Variants in TENM4 observed in about 807,000 individuals in gnomAD.
The protein encoded by TENM4 is teneurin transmembrane protein 4, also known as teneurin-4.
A neutral mutation model predicts 243.3 loss-of-function variants in TENM4; 82 were observed. The ratio of observed to expected loss-of-function variants is 0.34; its 90% CI spans 0.28 to 0.40. TENM4 has a LOEUF of 0.40. Among genes scored for constraint, TENM4 ranks in the 10% least tolerant of loss-of-function variants. The pLI is 1.00. For synonymous variants in TENM4, 1,412 were observed against 1,456.3 expected, an observed-to-expected ratio of 0.97 and a Z score of 0.69; for missense variants, 3,138 against 3,673.3, an observed-to-expected ratio of 0.85 and a Z score of 3.77.
chr11:78,976,539 G>A (rs1350606332), intron 6 of TENM4, among the ~76,000 whole-genome samples: 6 of 152,168 alleles, frequency 3.9e-5, no homozygotes, highest in Admixed American at 2.0e-4. Flanking sequence ...TGATCACTGC[G>A]CCAAGGCCTC....
rs376914004 is a variant in TENM4, at chr11:78,658,075, C to T, written c.8293G>A (p.Glu2765Lys). The T allele has an allele frequency of 1.1e-5, 17 of 1,612,784 alleles. No individual in the cohort carries two copies. In the African/African-American group the frequency reaches 1.6e-4, roughly 15 times the overall value. The change falls in exon 34 of 34, where the codon GAG becomes AAG. Residue 2765 changes from glutamate to lysine, a missense_variant. Physicochemically the swap from Glu to Lys is moderately conservative, Grantham distance 56 (BLOSUM62 1). This residue lies in a region of TENM4 where 2,467 missense variants were observed against 3,059.1 expected (regional missense o/e 0.81). Coordinates refer to ENST00000278550, the MANE Select transcript of TENM4 (RefSeq NM_001098816.3). ...CCTCTCTGTCACCTCCGGCCCATCT[C>T]GCTCTGTCTCATGAAGTGGATGTTG... ...ANNIHFMRQS[E>K]MGRR is the part of the protein sequence containing the mutation.
chr11:79,207,020 A>G (rs914399271), intron 3 of TENM4, among the ~76,000 whole-genome samples: 7 of 152,164 alleles, frequency 4.6e-5, no homozygotes, highest in Non-Finnish European at 2.9e-5. Flanking sequence ...CCCAGTCAGG[A>G]CATCTAGAAA....
chr11:79,247,038 T>TTC (rs1389337861), intron 2 of TENM4, among the ~76,000 whole-genome samples: 4 of 143,978 alleles, frequency 2.8e-5, no homozygotes, highest in African/African-American at 1.0e-4. Flanking sequence ...ATGATAAGGC[T>TTC]TCTCTTCTAG....
chr11:79,333,466 C>G (rs1857094915), intron 1 of TENM4, among the ~76,000 whole-genome samples: 1 of 152,206 alleles, frequency 6.6e-6, no homozygotes, highest in Non-Finnish European at 1.5e-5. Flanking sequence ...GTCAACATCC[C>G]TATTACCCAG....
intron 1 of TENM4, among the ~76,000 whole-genome samples, chr11:79,346,147 C>A (rs1857322712): frequency 6.6e-6 from 1 of 152,172 alleles, no homozygotes; most frequent in Non-Finnish European, 1.5e-5. Flanking sequence ...CACTATGCAG[C>A]AGCTGTAATC....
intron 2 of TENM4, among the ~76,000 whole-genome samples, chr11:79,245,929 G>C (rs1352416123): frequency 1.3e-5 from 1 of 77,254 alleles, no homozygotes; most frequent in Non-Finnish European, 2.3e-5. Context: ...GACAGAGAAA[G>C]ACTTTGTCTA....
chr11:78,802,044 G>A (rs1384036885), intron 15 of TENM4, among the ~76,000 whole-genome samples: 2 of 152,190 alleles, frequency 1.3e-5, no homozygotes, highest in African/African-American at 4.8e-5. Flanking sequence ...CGAGTGGGGA[G>A]CAACTCTTCC....
intron 1 of TENM4, among the ~76,000 whole-genome samples, chr11:79,382,271 TG>T (rs982836400): frequency 2.6e-4 from 39 of 152,290 alleles, no homozygotes; most frequent in African/African-American, 7.7e-4. Flanking sequence ...GAGGGTTCTC[TG>T]GGGATTAGAG....
At position 78,706,441 on chromosome 11, in the gene TENM4, C is replaced by T. The variant is rs562365054; in HGVS notation, c.4209+1920G>A. 2.0e-5 allele frequency among the ~76,000 whole-genome samples: 3 copies of T among 152,334 alleles called. No homozygotes were observed. In the East Asian group the frequency reaches 5.8e-4, roughly 29 times the overall value. On this transcript the variant is annotated intron_variant, in intron 27 of 33. Transcript: ENST00000278550. ...GAGCTGTGTGCTCTCCCTTGCTTAC[C>T]TCCCTGCTCCCCATGGGGCAGCGGA...
chr11:79,027,646 C>G (rs1017617330), intron 6 of TENM4, among the ~76,000 whole-genome samples: 1 of 152,218 alleles, frequency 6.6e-6, no homozygotes, highest in Non-Finnish European at 1.5e-5. Context: ...ACACAGTCAC[C>G]TCCTCTCGAA....
intron 1 of TENM4, among the ~76,000 whole-genome samples, chr11:79,330,370 C>G (rs875734): frequency 0.067 from 10,136 of 152,206 alleles, 392 homozygotes; most frequent in South Asian, 0.081. Context: ...GAATCGCTGG[C>G]CTCTGCTCAG....
chr11:79,178,566 G>A (rs1431393619), intron 3 of TENM4, among the ~76,000 whole-genome samples: 1 of 152,194 alleles, frequency 6.6e-6, no homozygotes, highest in African/African-American at 2.4e-5. Context: ...CAGAAGGAGC[G>A]TGACATCAAC....
At chr11:79,120,745 C>T (rs1204157097) in intron 4 of TENM4, among the ~76,000 whole-genome samples, 1 of 152,158 alleles carries the variant, frequency 6.6e-6, no homozygotes, top group African/African-American at 2.4e-5. Flanking sequence ...GATAAAAGTG[C>T]AGAATCACAA....
intron 9 of TENM4, among the ~76,000 whole-genome samples, chr11:78,878,626 C>T (rs1463702329): frequency 1.3e-5 from 2 of 152,184 alleles, no homozygotes; most frequent in African/African-American, 4.8e-5. Flanking sequence ...ACCAATTAAA[C>T]TGGCAGACCC....
intron 1 of TENM4, among the ~76,000 whole-genome samples, chr11:79,341,998 C>A (rs1427867807): frequency 6.6e-6 from 1 of 152,192 alleles, no homozygotes; most frequent in Non-Finnish European, 1.5e-5. Flanking sequence ...AGAATGTGCA[C>A]ACAGAAGCAT....
At position 78,821,874 on chromosome 11, in the gene TENM4, G is replaced by T. The variant is rs193271784; in HGVS notation, c.1682-7479C>A. ...AAGAATCAACTTACTCACTTTCTAAGAGTCAGAGCTGAATACTACTTACTA... is the reference window on the plus strand; with the variant it reads ...AAGAATCAACTTACTCACTTTCTAATAGTCAGAGCTGAATACTACTTACTA... On this transcript the variant is annotated intron_variant, in intron 12 of 33. Coordinates refer to ENST00000278550, the MANE Select transcript of TENM4 (RefSeq NM_001098816.3). Among the ~76,000 whole-genome samples the T allele has an allele frequency of 2.6e-5, 4 of 152,312 alleles. No individual in the cohort carries two copies. In the East Asian group the frequency reaches 7.7e-4, roughly 29 times the overall value.
At chr11:78,795,571 C>A (rs1857143792) in intron 15 of TENM4, among the ~76,000 whole-genome samples, 1 of 152,134 alleles carries the variant, frequency 6.6e-6, no homozygotes, top group Non-Finnish European at 1.5e-5. Context: ...TACTATGTGA[C>A]AGATAGGCCT....
At chr11:79,033,887 A>G (rs1356591783) in intron 6 of TENM4, among the ~76,000 whole-genome samples, 1 of 152,336 alleles carries the variant, frequency 6.6e-6, no homozygotes, top group African/African-American at 2.4e-5. Context: ...TAATGAACTG[A>G]CTTTCGTGTT....
At chr11:78,867,616 C>A (rs1289769659) in intron 9 of TENM4, among the ~76,000 whole-genome samples, 3 of 152,124 alleles carry the variant, frequency 2.0e-5, no homozygotes, top group Non-Finnish European at 4.4e-5. Context: ...TCTTCTTTAT[C>A]CTTTGTAATA....
Sources: allele counts gnomAD v4.1 joint callset (sites outside exome capture counted in the v4.1 genomes callset), GRCh38; gene constraint gnomAD v4.1.1; regional missense constraint gnomAD v4.1.1; transcripts MANE v1.5; gene names NCBI Gene and HGNC (gene_info 2026-07-23, HGNC 2026-07-21).